The following PSD3 variants were observed in gnomAD, a reference collection of about 807,000 sequenced individuals.
PSD3 encodes PH and SEC7 domain-containing protein 3.
A neutral mutation model predicts 105.5 loss-of-function variants in PSD3; 49 were observed. The observed-to-expected ratio is 0.46, with a 90% CI of 0.37 to 0.59. The LOEUF (loss-of-function observed/expected upper bound fraction) is 0.59. Ranked by LOEUF, PSD3 falls within the 20% of genes least tolerant of loss-of-function variation. The pLI is 0.00. For missense variants in PSD3, 1,561 were observed against 1,263.8 expected (o/e 1.24, Z -3.57); for synonymous variants, 557 against 457.8 (o/e 1.22, Z -2.77).
At chr8:19,060,821 G>C (rs1339416386) in intron 1 of PSD3, among the ~76,000 whole-genome samples, 1 of 152,232 alleles carries the variant, frequency 6.6e-6, no homozygotes, top group East Asian at 1.9e-4. Context: ...TGAAAGATGA[G>C]ACATGGAAGC....
intron 2 of PSD3, among the ~76,000 whole-genome samples, chr8:18,891,807 A>G (rs1017952549): frequency 5.3e-5 from 8 of 152,212 alleles, no homozygotes; most frequent in African/African-American, 1.9e-4. Flanking sequence ...GATCCCTAAT[A>G]CAGAACACTT....
At chr8:18,729,889 T>C (rs1172921469) in intron 9 of PSD3, among the ~76,000 whole-genome samples, 1 of 152,202 alleles carries the variant, frequency 6.6e-6, no homozygotes, top group African/African-American at 2.4e-5. Flanking sequence ...GTTGCTACAA[T>C]GCACTAAACA....
chr8:18,656,312 C>T (rs1342195188), intron 9 of PSD3, among the ~76,000 whole-genome samples: 13 of 151,464 alleles, frequency 8.6e-5, no homozygotes, highest in Non-Finnish European at 1.9e-4. Flanking sequence ...CCTGCCTCAG[C>T]CTCCCAAAGT....
chr8:18,529,808 T>A lies in PSD3; in HGVS notation c.*5935A>T, dbSNP rs531554763. ...TTGCTTCTCCTACTCCTTTTCTACA[T>A]GATTTTTGAATCAAATGGCTGTTTC... On this transcript the variant is annotated 3_prime_UTR_variant, in exon 16 of 16. Transcript: ENST00000327040. 3.4e-4 allele frequency: 52 copies of A among 152,776 alleles called. No homozygotes were observed. Among genetic ancestry groups the A allele is most frequent in the Non-Finnish European group, 2.5e-4 (17 of 68,032 alleles). The allele number at this position is 152,776 out of a possible 1,614,324, so 9.5% of individuals were successfully genotyped here.
chr8:18,722,989 TGAA>T (rs1436854549), intron 9 of PSD3, among the ~76,000 whole-genome samples: 1 of 152,208 alleles, frequency 6.6e-6, no homozygotes, highest in Non-Finnish European at 1.5e-5. Context: ...ACCATTAAGA[TGAA>T]GAACATGCAA....
chr8:18,801,403 T>A, intron 6 of PSD3, 21 bp from the exon 7 acceptor site: 1 of 1,469,994 alleles, frequency 6.8e-7, no homozygotes, highest in Non-Finnish European at 9.4e-7. Flanking sequence ...ATTAAAAATT[T>A]AAACAGTGAA....
At chr8:18,971,937 A>T (rs1288809650) in intron 1 of PSD3, among the ~76,000 whole-genome samples, 4 of 152,200 alleles carry the variant, frequency 2.6e-5, no homozygotes, top group Admixed American at 1.3e-4. Context: ...CCTGGGAGGC[A>T]GAGGTTGCAG....
At chr8:18,538,995 G>T (rs1402704496) in intron 15 of PSD3, among the ~76,000 whole-genome samples, 6 of 152,234 alleles carry the variant, frequency 3.9e-5, no homozygotes, top group African/African-American at 7.2e-5. Context: ...CAAACGCCGT[G>T]CCCCATTTCT....
Position 18,838,564 on chromosome 8 carries a change from G to A in PSD3, c.1634+29110C>T, listed in dbSNP as rs1486479850. The stretch of plus-strand genomic sequence containing the variant: ...TGCCTGTAATCCCAGCACTTTGGGA[G>A]GCCGAGGCGGGCGGATCATGAGGTC... On this transcript the variant is annotated intron_variant, in intron 4 of 15. Transcript: ENST00000327040. Among the ~76,000 whole-genome samples the A allele has an allele frequency of 2.0e-5, 3 of 152,136 alleles. No homozygotes were observed. The East Asian group carries it at 5.8e-4, about 29-fold the overall frequency.
intron 1 of PSD3, among the ~76,000 whole-genome samples, chr8:19,008,267 T>C (rs1826790634): frequency 6.6e-6 from 1 of 152,216 alleles, no homozygotes; most frequent in Non-Finnish European, 1.5e-5. Context: ...ACTTTGCTAT[T>C]CAAACAAAGT....
rs1799482676 is a variant in PSD3 at position 18,527,764 on chromosome 8, A to C, written c.*7979T>G. 1 of 152,600 alleles carries C rather than the reference A, an allele frequency of 6.6e-6. No homozygotes were observed. Among genetic ancestry groups the C allele is most frequent in the Non-Finnish European group, 1.5e-5 (1 of 68,038 alleles). 9.5% of individuals were successfully genotyped at this position (152,600 alleles called of 1,614,324 possible). ...TCGTTTTCTAGAAGACGGCATTTCC[A>C]GAATCTGGTAGGTGGTGATGAGGAA... On this transcript the variant is annotated 3_prime_UTR_variant, in exon 16 of 16. Coordinates refer to ENST00000327040, the MANE Select transcript of PSD3 (RefSeq NM_015310.4).
intron 1 of PSD3, among the ~76,000 whole-genome samples, chr8:19,045,180 A>G (rs539656579): frequency 5.0e-4 from 76 of 152,272 alleles, no homozygotes; most frequent in Non-Finnish European, 5.4e-4. Flanking sequence ...GCAAGACTCC[A>G]TCAAAAACAA....
chr8:18,593,347 T>C (rs1803755255), intron 12 of PSD3, among the ~76,000 whole-genome samples: 1 of 152,198 alleles, frequency 6.6e-6, no homozygotes, highest in Non-Finnish European at 1.5e-5. Flanking sequence ...AGAAGACATT[T>C]ATGCAGCCAA....
At chr8:18,833,322 G>A (rs1275700401) in intron 4 of PSD3, among the ~76,000 whole-genome samples, 2 of 152,190 alleles carry the variant, frequency 1.3e-5, no homozygotes, top group Non-Finnish European at 2.9e-5. Flanking sequence ...GTGGAGGTGA[G>A]CAGCTGCTTC....
At chr8:18,788,074 C>T (rs1436173570) in intron 8 of PSD3, among the ~76,000 whole-genome samples, 2 of 152,128 alleles carry the variant, frequency 1.3e-5, no homozygotes, top group African/African-American at 4.8e-5. Flanking sequence ...AAACAAGCCC[C>T]AGATGGATTT....
At position 18,703,810 on chromosome 8, in the gene PSD3, G is replaced by C. The variant is rs57514255; in HGVS notation, c.2173-48125C>G. Among the ~76,000 whole-genome samples, 1,015 of 152,208 alleles carry C rather than the reference G, an allele frequency of 6.7e-3. 10 individuals are homozygous for C. The highest frequency in any genetic ancestry group is 0.024 in the African/African-American group (992 of 41,528). ...TATTCATTAAGCCATGAATAGAAAT[G>C]GATACAGCTGAATCTCAATGCTATC... On this transcript the variant is annotated intron_variant, in intron 9 of 15. Coordinates refer to ENST00000327040, the MANE Select transcript of PSD3 (RefSeq NM_015310.4).
chr8:18,836,903 C>T (rs35536640), intron 4 of PSD3, among the ~76,000 whole-genome samples: 1 of 76,332 alleles, frequency 1.3e-5, no homozygotes, highest in South Asian at 3.4e-4. Flanking sequence ...CTCACAGATA[C>T]CAGGGCTGAC....
intron 9 of PSD3, among the ~76,000 whole-genome samples, chr8:18,747,611 A>G (rs1805135487): frequency 6.6e-6 from 1 of 152,216 alleles, no homozygotes; most frequent in South Asian, 2.1e-4. Flanking sequence ...ATCTGAAAGC[A>G]CAAAGCTTTA....
chr8:18,819,448 C>T (rs898826571), intron 4 of PSD3, among the ~76,000 whole-genome samples: 1 of 152,084 alleles, frequency 6.6e-6, no homozygotes, highest in Admixed American at 6.6e-5. Context: ...AAACTCTTCC[C>T]CTGAACCTCT....
Sources: gnomAD v4.1 joint callset for allele counts (sites outside exome capture counted in the v4.1 genomes callset) on GRCh38, gnomAD v4.1.1 for gene constraint, MANE v1.5 for transcripts, NCBI Gene and HGNC (gene_info 2026-07-23, HGNC 2026-07-21) for gene names.